AATF: variants seen among roughly 807,000 people sequenced by gnomAD.
The protein encoded by AATF is protein AATF.
AATF carries 48 observed loss-of-function variants against 63.7 expected under a neutral mutation model. The observed-to-expected ratio is 0.75, with a 90% CI of 0.60 to 0.96. The LOEUF (loss-of-function observed/expected upper bound fraction) is 0.96. Ranked by LOEUF, AATF falls within the 40% of genes least tolerant of loss-of-function variation. The pLI, the probability that AATF is intolerant of heterozygous loss-of-function variation, is 0.00. For missense variants in AATF, 639 were observed against 685.7 expected (o/e 0.93, Z 0.76); for synonymous variants, 258 against 247.7 (o/e 1.04, Z -0.39).
intron 8 of AATF, among the ~76,000 whole-genome samples, chr17:37,009,733 C>T (rs905128459): frequency 2.8e-5 from 4 of 142,220 alleles, no homozygotes; most frequent in East Asian, 4.5e-4. Context: ...AGGAGAATGG[C>T]GTGAATCCGG....
chr17:36,981,990 A>C, intron 4 of AATF, among the ~76,000 whole-genome samples: 1 of 151,600 alleles, frequency 6.6e-6, no homozygotes, highest in African/African-American at 2.4e-5. Context: ...AACCCATTAA[A>C]CAACAGCTCC....
intron 4 of AATF, among the ~76,000 whole-genome samples, chr17:36,967,652 T>G (rs1166226535): frequency 6.6e-6 from 1 of 151,154 alleles, no homozygotes; most frequent in Non-Finnish European, 1.5e-5. Flanking sequence ...TCTTGGCTAC[T>G]TCCAATTTTT....
At chr17:37,024,029 A>G (rs2071492890) in intron 10 of AATF, among the ~76,000 whole-genome samples, 1 of 152,222 alleles carries the variant, frequency 6.6e-6, no homozygotes, top group Admixed American at 6.5e-5. Context: ...TAGAATAATA[A>G]GAAAAAAAAT....
intron 11 of AATF, among the ~76,000 whole-genome samples, chr17:37,039,646 G>T (rs183619866): frequency 1.2e-4 from 19 of 152,278 alleles, no homozygotes; most frequent in African/African-American, 4.1e-4. Flanking sequence ...TCATCATTAA[G>T]GATGGCGTCC....
chr17:36,953,646 C>A, intron 3 of AATF, 124 bp from the exon 4 acceptor site: 2 of 895,590 alleles, frequency 2.2e-6, no homozygotes, highest in Non-Finnish European at 3.4e-6. Flanking sequence ...GTTTCCATGG[C>A]ATTAAACTGC....
chr17:36,991,793 G>T (rs1166999737), intron 8 of AATF, among the ~76,000 whole-genome samples: 2 of 152,014 alleles, frequency 1.3e-5, no homozygotes, highest in African/African-American at 2.4e-5. Context: ...CACCGTGTTA[G>T]CCAGGAGGGT....
rs571908087 is a variant in AATF at position 36,988,860 on chromosome 17, A to G, written c.1149+140A>G. On this transcript the variant is annotated intron_variant, in intron 6 of 11. Coordinates refer to ENST00000619387, the MANE Select transcript of AATF (RefSeq NM_012138.4). ...ATCATTCATTTCTATAGCAAAATCT[A>G]CTGAACTTCTGGCACTGGGGTTTAT... 4 of 866,048 alleles carry G rather than the reference A, an allele frequency of 4.6e-6. No individual in the cohort carries two copies. In the South Asian group the frequency reaches 5.5e-5, roughly 12 times the overall value. The allele number at this position is 866,048 out of a possible 1,614,324, so 53.6% of individuals were successfully genotyped here. A position where few individuals can be genotyped will look rare whatever the true frequency, so the allele number is the denominator to read the frequency against.
chr17:36,974,558 G>A (rs188812867), intron 4 of AATF, among the ~76,000 whole-genome samples: 12 of 152,054 alleles, frequency 7.9e-5, no homozygotes, highest in African/African-American at 2.9e-4. Context: ...TATCTATATG[G>A]CCAAGTTGCC....
intron 8 of AATF, among the ~76,000 whole-genome samples, chr17:37,002,903 G>GTTTTTTT (rs35926577): frequency 3.0e-5 from 3 of 99,202 alleles, no homozygotes; most frequent in Non-Finnish European, 4.0e-5. Context: ...TCCTGTTGCT[G>GTTTTTTT]TTTTTTTTTT....
intron 11 of AATF, among the ~76,000 whole-genome samples, chr17:37,040,444 C>G (rs1387957988): frequency 7.2e-6 from 1 of 139,610 alleles, no homozygotes. Flanking sequence ...CTAAGCCCTT[C>G]ACATATATTT....
chr17:36,974,268 C>CT (rs1412547230), intron 4 of AATF, among the ~76,000 whole-genome samples: 1 of 152,056 alleles, frequency 6.6e-6, no homozygotes, highest in Non-Finnish European at 1.5e-5. Flanking sequence ...CAGTCCATTT[C>CT]TTTCTACTTA....
intron 8 of AATF, among the ~76,000 whole-genome samples, chr17:37,002,454 T>G (rs547617222): frequency 4.8e-4 from 72 of 151,086 alleles, no homozygotes; most frequent in South Asian, 4.2e-4. Flanking sequence ...GATCACAAGG[T>G]CAGGAGATTG....
intron 8 of AATF, among the ~76,000 whole-genome samples, chr17:37,012,251 C>T (rs879434485): frequency 2.0e-5 from 3 of 151,966 alleles, no homozygotes; most frequent in Admixed American, 6.6e-5. Context: ...AGACGGGGTT[C>T]GCCATCTTGG....
chr17:36,996,900 C>T lies in AATF; in HGVS notation c.1398+6043C>T, dbSNP rs143055134. ...GAGCATGACTTGAGTACTACTACTTCGTTTAAACAAAGGTAAAACCTCAGA... is the reference window on the plus strand; with the variant it reads ...GAGCATGACTTGAGTACTACTACTTTGTTTAAACAAAGGTAAAACCTCAGA... On this transcript the variant is annotated intron_variant, in intron 8 of 11. Transcript: ENST00000619387. Among the ~76,000 whole-genome samples the T allele has an allele frequency of 5.4e-3, 819 of 152,264 alleles. 5 individuals carry two copies. Among genetic ancestry groups the T allele is most frequent in the Non-Finnish European group, 8.8e-3 (601 of 68,034 alleles).
At chr17:36,962,095 G>A (rs2070952287) in intron 4 of AATF, among the ~76,000 whole-genome samples, 1 of 152,112 alleles carries the variant, frequency 6.6e-6, no homozygotes, top group African/African-American at 2.4e-5. Context: ...GCCTCCACTA[G>A]GTATTATTGA....
intron 1 of AATF, 118 bp downstream of exon 1, chr17:36,949,334 C>G: frequency 2.0e-6 from 2 of 980,454 alleles, no homozygotes; most frequent in South Asian, 3.6e-5. Flanking sequence ...TCGCTTGGCG[C>G]AGAGGAACGT....
rs542225695 is a variant in AATF, at chr17:37,000,706, C to T, written c.1398+9849C>T. 5.3e-5 allele frequency among the ~76,000 whole-genome samples: 8 copies of T among 152,166 alleles called. No homozygotes were observed. The South Asian group carries it at 1.2e-3, about 24-fold the overall frequency. ...ATGAAGGCAGAGAGAAAAAGAGATT[C>T]GAAGCCCACGTCCTGGAACATTCAA... is the stretch of plus-strand genomic sequence containing the variant. On this transcript the variant is annotated intron_variant, in intron 8 of 11. Coordinates refer to ENST00000619387, the MANE Select transcript of AATF (RefSeq NM_012138.4).
chr17:36,997,156 C>T (rs2071260632), intron 8 of AATF, among the ~76,000 whole-genome samples: 1 of 152,140 alleles, frequency 6.6e-6, no homozygotes, highest in South Asian at 2.1e-4. Context: ...TAGAGTTTGG[C>T]ACTCCTCAAG....
At chr17:36,956,733 T>C (rs1049373419) in intron 4 of AATF, among the ~76,000 whole-genome samples, 1 of 152,040 alleles carries the variant, frequency 6.6e-6, no homozygotes, top group Non-Finnish European at 1.5e-5. Flanking sequence ...TCCCAGCACT[T>C]TGGGAGGCTG....
Sources: allele counts gnomAD v4.1 joint callset (sites outside exome capture counted in the v4.1 genomes callset), GRCh38; gene constraint gnomAD v4.1.1; transcripts MANE v1.5; gene names NCBI Gene and HGNC (gene_info 2026-07-23, HGNC 2026-07-21).